RPTOR: variants seen among roughly 807,000 people sequenced by gnomAD.
The protein encoded by RPTOR is regulatory-associated protein of mTOR.
A neutral mutation model predicts 169.9 loss-of-function variants in RPTOR; 21 were observed. The observed-to-expected ratio is 0.12, with a 90% CI of 0.09 to 0.18. RPTOR has a LOEUF of 0.18. Ranked by LOEUF, RPTOR falls within the 10% of genes least tolerant of loss-of-function variation. The probability of loss-of-function intolerance (pLI) is 1.00; values close to 1 mark genes in which losing one functional copy is unlikely to be tolerated. For missense variants in RPTOR, 1,133 were observed against 1,855.9 expected (o/e 0.61, Z 7.16); for synonymous variants, 732 against 753.2 (o/e 0.97, Z 0.46).
rs2144110457 is a variant in RPTOR at position 80,964,340 on chromosome 17, C to T, written c.*10C>T. ...GAAGCGTGTCAGATAGCGGCGTGAC[C>T]CGGGCCCACCAGGCCACGGCCGCCT... On this transcript the variant is annotated 3_prime_UTR_variant, in exon 34 of 34. Coordinates refer to ENST00000306801, the MANE Select transcript of RPTOR (RefSeq NM_020761.3). 1 of 1,605,276 alleles carries T rather than the reference C, an allele frequency of 6.2e-7. No homozygotes were observed. Among genetic ancestry groups the T allele is most frequent in the African/African-American group, 1.3e-5 (1 of 75,046 alleles).
intron 1 of RPTOR, among the ~76,000 whole-genome samples, chr17:80,613,174 C>T (rs1229030410): frequency 6.6e-6 from 1 of 152,114 alleles, no homozygotes; most frequent in African/African-American, 2.4e-5. Flanking sequence ...TGCCTCTGCT[C>T]CTGGCAGCCT....
intron 6 of RPTOR, among the ~76,000 whole-genome samples, chr17:80,755,738 CAAAAAAAAA>C (rs77078803): frequency 1.2e-5 from 1 of 80,248 alleles, no homozygotes; most frequent in East Asian, 3.0e-4. Flanking sequence ...GACCCTGTCT[CAAAAAAAAA>C]AAAAAAAAAA....
In RPTOR at chr17:80,798,289, C is replaced by T. The variant is rs543883527; in HGVS notation, c.890+6780C>T. Among the ~76,000 whole-genome samples the T allele has an allele frequency of 2.6e-5, 4 of 152,316 alleles. No homozygotes were observed. In the South Asian group the frequency reaches 6.2e-4, roughly 24 times the overall value. Reference sequence around the variant, plus strand: ...CCATCTGTGGAATGTCCTCTGGAGCCGCCTTGCCCATGCCACACAGAAGGA... The same window carrying T: ...CCATCTGTGGAATGTCCTCTGGAGCTGCCTTGCCCATGCCACACAGAAGGA... On this transcript the variant is annotated intron_variant, in intron 7 of 33. Transcript: ENST00000306801.
chr17:80,836,973 G>T (rs1250750462), intron 9 of RPTOR, among the ~76,000 whole-genome samples: 1 of 152,158 alleles, frequency 6.6e-6, no homozygotes, highest in Non-Finnish European at 1.5e-5. Flanking sequence ...TGAGCAGGTG[G>T]CATTGGGCGC....
chr17:80,814,649 C>T (rs1467271948), intron 7 of RPTOR, among the ~76,000 whole-genome samples: 17 of 152,182 alleles, frequency 1.1e-4, no homozygotes, highest in Admixed American at 1.1e-3. Context: ...GTATGCGGCA[C>T]CTGTTCTGTA....
chr17:80,671,836 G>A (rs765209661), intron 3 of RPTOR, among the ~76,000 whole-genome samples: 5 of 152,170 alleles, frequency 3.3e-5, no homozygotes, highest in Non-Finnish European at 5.9e-5. Flanking sequence ...TGTGGTGTGC[G>A]TGGTGTTCTT....
intron 6 of RPTOR, among the ~76,000 whole-genome samples, chr17:80,781,877 C>T (rs940899004): frequency 6.6e-6 from 1 of 152,226 alleles, no homozygotes; most frequent in African/African-American, 2.4e-5. Context: ...TCTTGGTCTC[C>T]AGCCCAGTTT....
intron 21 of RPTOR, among the ~76,000 whole-genome samples, chr17:80,922,090 A>T (rs974277861): frequency 6.6e-6 from 1 of 152,200 alleles, no homozygotes; most frequent in African/African-American, 2.4e-5. Flanking sequence ...CTCCTGAAGC[A>T]CACGGGGGTG....
chr17:80,810,391 G>A (rs1567924275), intron 7 of RPTOR, among the ~76,000 whole-genome samples: 1 of 148,300 alleles, frequency 6.7e-6, no homozygotes, highest in Non-Finnish European at 1.5e-5. Context: ...AGCACTGTTT[G>A]TGGAAGAGGC....
intron 17 of RPTOR, among the ~76,000 whole-genome samples, chr17:80,888,273 C>G (rs2068273258): frequency 6.6e-6 from 1 of 152,206 alleles, no homozygotes; most frequent in Non-Finnish European, 1.5e-5. Flanking sequence ...TGCCACCATG[C>G]TGGGCTAATT....
At chr17:80,634,263 C>CTGTGTGTGTG (rs2065468603) in intron 2 of RPTOR, among the ~76,000 whole-genome samples, 2 of 52,542 alleles carry the variant, frequency 3.8e-5, no homozygotes, top group African/African-American at 1.1e-4. Context: ...TGCGTGCATA[C>CTGTGTGTGTG]CGTGTGTGTG....
chr17:80,660,948 C>T (rs555257659), intron 3 of RPTOR, among the ~76,000 whole-genome samples: 17 of 152,308 alleles, frequency 1.1e-4, no homozygotes, highest in South Asian at 8.3e-4. Flanking sequence ...GGTCAAGCTC[C>T]AACCCCCACC....
At chr17:80,559,992 T>C (rs2084459336) in intron 1 of RPTOR, among the ~76,000 whole-genome samples, 1 of 152,240 alleles carries the variant, frequency 6.6e-6, no homozygotes, top group Non-Finnish European at 1.5e-5. Context: ...ACTGTTGTTT[T>C]ACATAGATGG....
chr17:80,902,950 C>T (rs2068494917), intron 20 of RPTOR, among the ~76,000 whole-genome samples: 2 of 152,256 alleles, frequency 1.3e-5, no homozygotes, highest in Non-Finnish European at 2.9e-5. Flanking sequence ...CCTGAGAAGG[C>T]TCTTCCCGCA....
At chr17:80,655,078 A>G (rs775491391) in intron 3 of RPTOR, among the ~76,000 whole-genome samples, 3 of 152,180 alleles carry the variant, frequency 2.0e-5, no homozygotes, top group Non-Finnish European at 2.9e-5. Context: ...GATCTCTAAA[A>G]CATAGTTTCT....
Position 80,799,846 on chromosome 17 carries a change from G to A in RPTOR, c.890+8337G>A, listed in dbSNP as rs139660963. ...GAGTGCAGGCTGCAGGTGCCAGGTG[G>A]TGATCGGCACATAACGTGACAGATG... is the stretch of plus-strand genomic sequence containing the variant. On this transcript the variant is annotated intron_variant, in intron 7 of 33. Coordinates refer to ENST00000306801, the MANE Select transcript of RPTOR (RefSeq NM_020761.3). Among the ~76,000 whole-genome samples, 12 of 152,334 alleles carry A rather than the reference G, an allele frequency of 7.9e-5. No homozygotes were observed. The East Asian group carries it at 2.3e-3, about 29-fold the overall frequency.
rs1209467916 is a variant in RPTOR at position 80,898,071 on chromosome 17, C to T, written c.2401+4206C>T. The stretch of plus-strand genomic sequence containing the variant: ...AGAATTTGCCCCTGAACTGTCTGGG[C>T]TAGTGTAGTGTTGTGAGGGTGGGTT... On this transcript the variant is annotated intron_variant, in intron 20 of 33. Coordinates refer to ENST00000306801, the MANE Select transcript of RPTOR (RefSeq NM_020761.3). Among the ~76,000 whole-genome samples, 3 of 152,096 alleles carry T rather than the reference C, an allele frequency of 2.0e-5. No individual in the cohort carries two copies. The East Asian group carries it at 5.8e-4, about 29-fold the overall frequency.
At chr17:80,712,089 A>C (rs567896124) in intron 4 of RPTOR, among the ~76,000 whole-genome samples, 7 of 152,110 alleles carry the variant, frequency 4.6e-5, no homozygotes, top group African/African-American at 1.7e-4. Context: ...GAGCAGTTTT[A>C]ATTTTACAGA....
At chr17:80,611,900 T>G (rs1329501030) in intron 1 of RPTOR, among the ~76,000 whole-genome samples, 1 of 152,176 alleles carries the variant, frequency 6.6e-6, no homozygotes, top group Non-Finnish European at 1.5e-5. Context: ...AATGTCCCAC[T>G]TAGGTTTTGC....
Sources: gnomAD v4.1 joint callset for allele counts (sites outside exome capture counted in the v4.1 genomes callset) on GRCh38, gnomAD v4.1.1 for gene constraint, MANE v1.5 for transcripts, NCBI Gene and HGNC (gene_info 2026-07-23, HGNC 2026-07-21) for gene names.